Variants in DRD3 observed in about 807,000 individuals in gnomAD.
The protein encoded by DRD3 is dopamine receptor D3.
A neutral mutation model predicts 36.3 loss-of-function variants in DRD3; 19 were observed. That is an observed-to-expected ratio of 0.52 (90% confidence interval 0.36 to 0.77). The LOEUF (loss-of-function observed/expected upper bound fraction) is 0.77. Ranked by LOEUF, DRD3 falls within the 30% of genes least tolerant of loss-of-function variation. The probability of loss-of-function intolerance (pLI) is 0.00; values close to 1 mark genes in which losing one functional copy is unlikely to be tolerated. For synonymous variants in DRD3, 195 were observed against 203.7 expected (o/e 0.96, Z 0.36); for missense variants, 465 against 505.3 (o/e 0.92, Z 0.77).
intron 1 of DRD3, among the ~76,000 whole-genome samples, chr3:114,199,090 A>G (rs570918455): frequency 2.6e-5 from 4 of 152,106 alleles, no homozygotes; most frequent in Non-Finnish European, 4.4e-5. Flanking sequence ...TTACTGTTTC[A>G]TTTTGGATAG....
chr3:114,163,840 T>C lies in DRD3; in HGVS notation c.271-3973A>G, dbSNP rs183505851. Among the ~76,000 whole-genome samples, 359 of 152,216 alleles carry C rather than the reference T, an allele frequency of 2.4e-3. 3 individuals carry two copies. Among genetic ancestry groups the C allele is most frequent in the Non-Finnish European group, 3.7e-3 (252 of 68,016 alleles). ...GGGAGATAAGTACTTAAAAAACAGC[T>C]ATGAGGCAATGTGATAGGCACCAAA... On this transcript the variant is annotated intron_variant, in intron 2 of 6. Coordinates refer to ENST00000383673, the MANE Select transcript of DRD3 (RefSeq NM_000796.6).
intron 3 of DRD3, among the ~76,000 whole-genome samples, chr3:114,158,296 A>G (rs2077701608): frequency 6.6e-6 from 1 of 152,136 alleles, no homozygotes; most frequent in African/African-American, 2.4e-5. Context: ...GTCTGTAAAC[A>G]TACCAATATA....
chr3:114,185,865 T>G (rs1560004370), intron 1 of DRD3, among the ~76,000 whole-genome samples: 1 of 152,120 alleles, frequency 6.6e-6, no homozygotes, highest in Non-Finnish European at 1.5e-5. Flanking sequence ...TTTATAGAAG[T>G]GGAGTCTCAC....
intron 1 of DRD3, among the ~76,000 whole-genome samples, chr3:114,191,779 A>T (rs77844234): frequency 0.12 from 18,521 of 152,176 alleles, 1,238 homozygotes; most frequent in Middle Eastern, 0.21. Flanking sequence ...ACATGAGGGA[A>T]AGGGAGCTGC....
At chr3:114,164,152 C>T (rs1020443907) in intron 2 of DRD3, among the ~76,000 whole-genome samples, 5 of 124,384 alleles carry the variant, frequency 4.0e-5, no homozygotes, top group Admixed American at 1.0e-4. Context: ...ACCCGGGAGG[C>T]GGAGGTTACA....
intron 3 of DRD3, among the ~76,000 whole-genome samples, chr3:114,155,288 T>C (rs2077655336): frequency 6.6e-6 from 1 of 152,216 alleles, no homozygotes; most frequent in Admixed American, 6.5e-5. Flanking sequence ...AGGCCTGTTT[T>C]CATTTCTAGA....
Position 114,172,535 on chromosome 3 carries a change from C to A in DRD3, c.-35-508G>T, listed in dbSNP as rs146249029. ...AGGAGGGAGTCTGGTGAGGCTGGAGCCAAGTGAGGCAGGAGTAGAATAGGA... is the reference window on the plus strand; with the variant it reads ...AGGAGGGAGTCTGGTGAGGCTGGAGACAAGTGAGGCAGGAGTAGAATAGGA... On this transcript the variant is annotated intron_variant, in intron 1 of 6. Transcript: ENST00000383673. 5.9e-5 allele frequency among the ~76,000 whole-genome samples: 9 copies of A among 152,150 alleles called. No homozygotes were observed. The East Asian group carries it at 9.7e-4, about 16-fold the overall frequency.
intron 1 of DRD3, among the ~76,000 whole-genome samples, chr3:114,197,281 T>A (rs2078042959): frequency 3.6e-5 from 5 of 138,096 alleles, no homozygotes; most frequent in Non-Finnish European, 3.1e-5. Flanking sequence ...AAAAAAATTT[T>A]TTTTTTTTTT....
At chr3:114,137,821 C>T (rs1211841673) in intron 5 of DRD3, among the ~76,000 whole-genome samples, 1 of 126,198 alleles carries the variant, frequency 7.9e-6, no homozygotes, top group Non-Finnish European at 1.7e-5. Context: ...GAAACCCCGT[C>T]TCTACTAAAA....
At chr3:114,132,168 A>T (rs2077436778) in intron 5 of DRD3, among the ~76,000 whole-genome samples, 1 of 152,248 alleles carries the variant, frequency 6.6e-6, no homozygotes, top group African/African-American at 2.4e-5. Context: ...AATGCCCATC[A>T]ATGATAGACT....
exon 1 of DRD3, chr3:114,199,322 G>A (rs2078052861): frequency 6.6e-6 from 1 of 152,484 alleles, no homozygotes; most frequent in Non-Finnish European, 1.5e-5. Context: ...ATCTGGCAAA[G>A]ACCTTTGTGC....
At chr3:114,130,564 A>G (rs1195333925) in intron 6 of DRD3, among the ~76,000 whole-genome samples, 2 of 151,570 alleles carry the variant, frequency 1.3e-5, no homozygotes, top group Non-Finnish European at 2.9e-5. Context: ...AGCTGGGACT[A>G]CAGGCGCCCA....
At chr3:114,181,794 G>C (rs1271997163), upstream of DRD3, among the ~76,000 whole-genome samples, 1 of 152,146 alleles carries the variant, frequency 6.6e-6, no homozygotes, top group Admixed American at 6.5e-5. Context: ...TGAAGTTTGT[G>C]GTGGGACTAT....
chr3:114,149,948 A>C (rs2077602295), intron 3 of DRD3, among the ~76,000 whole-genome samples: 1 of 152,216 alleles, frequency 6.6e-6, no homozygotes, highest in Admixed American at 6.5e-5. Flanking sequence ...TGAGATCCTG[A>C]GAAGAGAACC....
At chr3:114,191,720 T>G (rs1012694359) in intron 1 of DRD3, among the ~76,000 whole-genome samples, 1 of 151,402 alleles carries the variant, frequency 6.6e-6, no homozygotes, top group African/African-American at 2.4e-5. Context: ...TGGGGAAGAG[T>G]GAATACATTG....
chr3:114,130,827 T>G (rs1299306927), intron 6 of DRD3, among the ~76,000 whole-genome samples: 1 of 152,234 alleles, frequency 6.6e-6, no homozygotes, highest in African/African-American at 2.4e-5. Flanking sequence ...ATATCCAATA[T>G]GTACCAGACA....
chr3:114,157,726 A>G (rs1397674730), intron 3 of DRD3, among the ~76,000 whole-genome samples: 1 of 152,164 alleles, frequency 6.6e-6, no homozygotes, highest in African/African-American at 2.4e-5. Context: ...TATTTATATC[A>G]CTTGGTTGGC....
intron 1 of DRD3, among the ~76,000 whole-genome samples, chr3:114,195,983 A>T (rs1483060683): frequency 1.3e-5 from 2 of 152,214 alleles, no homozygotes; most frequent in African/African-American, 4.8e-5. Flanking sequence ...AAGTATACAG[A>T]ACCAGGGAAG....
chr3:114,184,710 A>C (rs1367725296), intron 1 of DRD3, among the ~76,000 whole-genome samples: 1 of 151,360 alleles, frequency 6.6e-6, no homozygotes, highest in African/African-American at 2.4e-5. Flanking sequence ...CTACAGGTGC[A>C]TGTCACCATA....
Sources: gnomAD v4.1 joint callset for allele counts (sites outside exome capture counted in the v4.1 genomes callset) on GRCh38, gnomAD v4.1.1 for gene constraint, MANE v1.5 for transcripts, NCBI Gene and HGNC (gene_info 2026-07-23, HGNC 2026-07-21) for gene names.